The following ARSG variants were observed in gnomAD, a reference collection of about 807,000 sequenced individuals.
ARSG encodes the protein ASG.
Under a neutral mutation model 50.5 loss-of-function variants are expected in ARSG, and 37 were observed. The ratio of observed to expected loss-of-function variants is 0.73; its 90% CI spans 0.56 to 0.96. The LOEUF is 0.96. Among genes scored for constraint, ARSG ranks in the 50% least tolerant of loss-of-function variants. The pLI is 0.00. For synonymous variants in ARSG, 225 were observed against 254.6 expected (o/e 0.88, Z 1.11); for missense variants, 629 against 675.3 (o/e 0.93, Z 0.76).
chr17:68,339,292 T>C (rs1196064765), intron 2 of ARSG, among the ~76,000 whole-genome samples: 1 of 152,002 alleles, frequency 6.6e-6, no homozygotes, highest in East Asian at 1.9e-4. Flanking sequence ...AGCGAGACTG[T>C]ATCTCAAAAA....
At chr17:68,342,483 A>G (rs1450934194) in intron 2 of ARSG, among the ~76,000 whole-genome samples, 1 of 151,502 alleles carries the variant, frequency 6.6e-6, no homozygotes, top group African/African-American at 2.4e-5. Flanking sequence ...CCTCCCAAGT[A>G]GCTGGGGTTA....
At chr17:68,451,630 C>A in the ARSG span, among the ~76,000 whole-genome samples, 3 of 152,176 alleles carry the variant, frequency 2.0e-5, no homozygotes, top group Admixed American at 1.3e-4. Context: ...CGTGACTTCT[C>A]AGTTGGGAAC....
chr17:68,450,963 T>C, the ARSG span: 1 of 1,553,812 alleles, frequency 6.4e-7, no homozygotes, highest in Non-Finnish European at 8.7e-7. Context: ...CCAGCCTCCA[T>C]GACACTGGGC....
chr17:68,348,282 T>G (rs1477327450), intron 4 of ARSG, among the ~76,000 whole-genome samples: 2 of 152,172 alleles, frequency 1.3e-5, no homozygotes, highest in Non-Finnish European at 2.9e-5. Flanking sequence ...TTTTCTCACT[T>G]GACAGTTGAG....
At chr17:68,390,499 C>G (rs774325738) in intron 9 of ARSG, among the ~76,000 whole-genome samples, 3 of 152,174 alleles carry the variant, frequency 2.0e-5, no homozygotes, top group African/African-American at 4.8e-5. Flanking sequence ...CCTGTTATCA[C>G]GAGTGGGTTC....
At chr17:68,278,617 CTTTTTTTTTTTTT>C (rs56870988) in intron 1 of ARSG, among the ~76,000 whole-genome samples, 1 of 111,980 alleles carries the variant, frequency 8.9e-6, no homozygotes, top group Non-Finnish European at 1.7e-5. Flanking sequence ...TTTCTTTTTC[CTTTTTTTTTTTTT>C]TTTTTTTGAG....
intron 11 of ARSG, among the ~76,000 whole-genome samples, chr17:68,412,463 G>A (rs1170916527): frequency 6.6e-6 from 1 of 152,178 alleles, no homozygotes; most frequent in Non-Finnish European, 1.5e-5. Context: ...CTCTCTTCTG[G>A]CTTGTAGAGT....
At chr17:68,342,305 TAA>T (rs913113973) in intron 2 of ARSG, among the ~76,000 whole-genome samples, 1 of 151,522 alleles carries the variant, frequency 6.6e-6, no homozygotes, top group African/African-American at 2.4e-5. Context: ...TGCTGCTGTG[TAA>T]AGATACCTTA....
chr17:68,390,670 C>G (rs1905873726), intron 9 of ARSG, among the ~76,000 whole-genome samples: 2 of 152,040 alleles, frequency 1.3e-5, no homozygotes, highest in African/African-American at 4.8e-5. Context: ...GTCACTCAGG[C>G]TGGAGTGCAA....
At chr17:68,393,872 A>G (rs1179691860) in intron 9 of ARSG, among the ~76,000 whole-genome samples, 1 of 151,916 alleles carries the variant, frequency 6.6e-6, no homozygotes, top group African/African-American at 2.4e-5. Flanking sequence ...CATCTCAAAA[A>G]AAAAAAAAAG....
At chr17:68,349,760 G>A (rs1266494779) in intron 4 of ARSG, among the ~76,000 whole-genome samples, 1 of 152,118 alleles carries the variant, frequency 6.6e-6, no homozygotes, top group Non-Finnish European at 1.5e-5. Context: ...ACAGGTGCCT[G>A]TAGTCCCAGC....
chr17:68,399,584 CA>C lies in ARSG; in HGVS notation c.1213-1768del, dbSNP rs946117095. Among the ~76,000 whole-genome samples the C allele has an allele frequency of 9.2e-5, 14 of 151,994 alleles. No homozygotes were observed. Among genetic ancestry groups the C allele is most frequent in the African/African-American group, 1.7e-4 (7 of 41,434 alleles). ...GCCATAATGGGTCTTCTCAAACAAA[CA>C]AAAAAAATGCATAGACAAGTTCTCC... On this transcript the variant is annotated intron_variant, in intron 10 of 11. Coordinates refer to ENST00000621439, the MANE Select transcript of ARSG (RefSeq NM_001267727.2). The surrounding 1 kb of genome is among the most constrained non-coding windows in gnomAD (Gnocchi z 4.6).
chr17:68,339,150 G>A (rs77788724), intron 2 of ARSG, among the ~76,000 whole-genome samples: 3,247 of 151,974 alleles, frequency 0.021, 38 homozygotes, highest in African/African-American at 0.026. Flanking sequence ...GTAGCCGGGC[G>A]TGGTGGCGCG....
At chr17:68,419,824 G>T (rs2082646889) in intron 11 of ARSG, among the ~76,000 whole-genome samples, 1 of 151,620 alleles carries the variant, frequency 6.6e-6, no homozygotes, top group Non-Finnish European at 1.5e-5. Context: ...TGGGCGTGGT[G>T]GTGCATGCCT....
At chr17:68,403,560 A>T (rs1335280317) in intron 11 of ARSG, among the ~76,000 whole-genome samples, 3 of 152,212 alleles carry the variant, frequency 2.0e-5, no homozygotes, top group Non-Finnish European at 4.4e-5. Flanking sequence ...AAGCTAGATG[A>T]ATTGACATCT....
intron 6 of ARSG, among the ~76,000 whole-genome samples, chr17:68,362,190 C>G (rs1352915148): frequency 6.6e-6 from 1 of 151,976 alleles, no homozygotes; most frequent in Non-Finnish European, 1.5e-5. Context: ...TCATTGCTGG[C>G]CCCCATGCTT....
Position 68,343,598 on chromosome 17 carries a change from C to T in ARSG, c.219-6C>T. The T allele has an allele frequency of 6.2e-7, 1 of 1,603,070 alleles. No homozygotes were observed. The highest frequency in any genetic ancestry group is 8.5e-7 in the Non-Finnish European group (1 of 1,173,080). ...TGCGGTCCTGACCACTGTCCTTTCCCTGCAGGTTTGTGGATTTCCATGCAG... is the reference window on the plus strand; with the variant it reads ...TGCGGTCCTGACCACTGTCCTTTCCTTGCAGGTTTGTGGATTTCCATGCAG... On this transcript the variant is annotated splice_region_variant and splice_polypyrimidine_tract_variant and intron_variant, in intron 2 of 11. Transcript: ENST00000621439.
At chr17:68,262,026 G>A (rs1312961294) in intron 1 of ARSG, among the ~76,000 whole-genome samples, 5 of 152,114 alleles carry the variant, frequency 3.3e-5, no homozygotes, top group Non-Finnish European at 4.4e-5. Context: ...GTGTGGTGGC[G>A]GGTGCCTGTA....
At chr17:68,348,667 C>T (rs2078619412) in intron 4 of ARSG, among the ~76,000 whole-genome samples, 2 of 152,164 alleles carry the variant, frequency 1.3e-5, no homozygotes, top group African/African-American at 4.8e-5. Context: ...AAGTGATTCT[C>T]ATGCCTCAGC....
Sources: allele counts gnomAD v4.1 joint callset (sites outside exome capture counted in the v4.1 genomes callset), GRCh38; gene constraint gnomAD v4.1.1; non-coding constraint Gnocchi (gnomAD v3.1); transcripts MANE v1.5; gene names NCBI Gene and HGNC (gene_info 2026-07-23, HGNC 2026-07-21).